The following OSBPL9 variants were observed in gnomAD, a reference collection of about 807,000 sequenced individuals.
The protein encoded by OSBPL9 is oxysterol-binding protein-related protein 9.
Under a neutral mutation model 106.6 loss-of-function variants are expected in OSBPL9, and 40 were observed. The observed-to-expected ratio is 0.38, with a 90% confidence interval of 0.29 to 0.49. OSBPL9 has a LOEUF of 0.49. Among genes scored for constraint, OSBPL9 ranks in the 20% least tolerant of loss-of-function variants. The pLI is 0.97. For missense variants in OSBPL9, 609 were observed against 887.2 expected, an observed-to-expected ratio of 0.69 and a Z score of 3.98; for synonymous variants, 269 against 295.4, an observed-to-expected ratio of 0.91 and a Z score of 0.92.
the OSBPL9 span, among the ~76,000 whole-genome samples, chr1:51,540,013 G>A: frequency 6.6e-6 from 1 of 152,152 alleles, no homozygotes; most frequent in Non-Finnish European, 1.5e-5. Context: ...CCTTGAACAT[G>A]ATAAGCTCTT....
chr1:51,571,331 C>G, the OSBPL9 span, among the ~76,000 whole-genome samples: 1 of 152,138 alleles, frequency 6.6e-6, no homozygotes, highest in African/African-American at 2.4e-5. Flanking sequence ...GTGGTAAACA[C>G]TTTCATGTCT....
chr1:51,660,702 G>A (rs1647086699), intron 2 of OSBPL9, among the ~76,000 whole-genome samples: 1 of 152,168 alleles, frequency 6.6e-6, no homozygotes, highest in Non-Finnish European at 1.5e-5. Context: ...CCTCCATGCA[G>A]CGTCTTCTTT....
chr1:51,679,730 G>T (rs1265436197), intron 3 of OSBPL9, among the ~76,000 whole-genome samples: 1 of 152,178 alleles, frequency 6.6e-6, no homozygotes, highest in Non-Finnish European at 1.5e-5. Flanking sequence ...AGGCTTCTGG[G>T]TATCAGATTT....
intron 20 of OSBPL9, 113 bp downstream of exon 20, chr1:51,784,695 C>T (rs369092011): frequency 2.5e-5 from 31 of 1,250,554 alleles, no homozygotes; most frequent in Non-Finnish European, 3.1e-5. Flanking sequence ...TCTTTGTAAG[C>T]GTGTTTCACA....
chr1:51,766,240 A>G (rs1368036201), intron 12 of OSBPL9, among the ~76,000 whole-genome samples: 1 of 152,236 alleles, frequency 6.6e-6, no homozygotes, highest in African/African-American at 2.4e-5. Flanking sequence ...AGTGGAATAA[A>G]TAGCATCACC....
chr1:51,763,117 T>C (rs1271834980), intron 11 of OSBPL9, among the ~76,000 whole-genome samples: 1 of 152,186 alleles, frequency 6.6e-6, no homozygotes, highest in Non-Finnish European at 1.5e-5. Context: ...GTGATTCTCC[T>C]GCCTCAGCCT....
At chr1:51,584,529 A>G (rs1645237138) in intron 1 of OSBPL9, among the ~76,000 whole-genome samples, 1 of 152,122 alleles carries the variant, frequency 6.6e-6, no homozygotes, top group South Asian at 2.1e-4. Flanking sequence ...GCATTGACCA[A>G]CATGGTGAAA....
At chr1:51,707,903 G>A (rs998981285) in intron 3 of OSBPL9, 14 of 242,736 alleles carry the variant, frequency 5.8e-5, no homozygotes, top group Non-Finnish European at 1.0e-4. Context: ...ATTTTGGTGG[G>A]ATCTCACTCC....
intron 10 of OSBPL9, 87 bp from the exon 11 acceptor site, chr1:51,761,780 T>C: frequency 9.5e-7 from 1 of 1,047,358 alleles, no homozygotes; most frequent in Admixed American, 1.8e-5. Flanking sequence ...TACTGGCCTT[T>C]AGGATTTTGA....
intron 3 of OSBPL9, among the ~76,000 whole-genome samples, chr1:51,713,626 A>G (rs1048117938): frequency 6.6e-6 from 1 of 152,150 alleles, no homozygotes; most frequent in Non-Finnish European, 1.5e-5. Context: ...CCCTAAATAC[A>G]AGGTTTATCT....
chr1:51,536,425 T>C, the OSBPL9 span, among the ~76,000 whole-genome samples: 1 of 152,116 alleles, frequency 6.6e-6, no homozygotes, highest in Admixed American at 6.5e-5. Context: ...CTCCCACCCC[T>C]GCTTCCAGAC....
rs183071872 is a variant in OSBPL9, at chr1:51,723,960, T to C, written c.318+9881T>C. Among the ~76,000 whole-genome samples the C allele has an allele frequency of 5.9e-5, 9 of 152,292 alleles. No individual in the cohort carries two copies. The East Asian group carries it at 1.7e-3, about 29-fold the overall frequency. On this transcript the variant is annotated intron_variant, in intron 4 of 23. Coordinates refer to ENST00000428468, the MANE Select transcript of OSBPL9 (RefSeq NM_024586.6). ...TTTTTTTCTCTCTCAGTCCTTTATT[T>C]TATTTGGAGACAGTCTCGCTATGTC...
chr1:51,787,873 G>T lies in OSBPL9; in HGVS notation c.*84G>T. On this transcript the variant is annotated 3_prime_UTR_variant, in exon 24 of 24. Coordinates refer to ENST00000428468, the MANE Select transcript of OSBPL9 (RefSeq NM_024586.6). The stretch of plus-strand genomic sequence containing the variant: ...AACAATCTTCCTTTGGGAGAAACCT[G>T]TTCATTCCAATCTTCTAATTACAGT... 8.1e-7 allele frequency: 1 copy of T among 1,232,552 alleles called. No individual in the cohort carries two copies. The highest frequency in any genetic ancestry group is 1.7e-5 in the Admixed American group (1 of 57,412). 76.4% of individuals were successfully genotyped at this position (1,232,552 alleles called of 1,614,324 possible).
At chr1:51,786,703 T>G in intron 22 of OSBPL9, 86 bp downstream of exon 22, 1 of 1,072,400 alleles carries the variant, frequency 9.3e-7, no homozygotes. Flanking sequence ...TGAGAGACAG[T>G]AGGGCAGAGC....
At chr1:51,697,453 C>CTTT (rs759965779) in intron 3 of OSBPL9, among the ~76,000 whole-genome samples, 15 of 103,158 alleles carry the variant, frequency 1.5e-4, no homozygotes, top group African/African-American at 5.1e-4. Context: ...ATAGGGGTTA[C>CTTT]TTTTTTTTTT....
At chr1:51,653,876 C>G (rs1646666290) in intron 2 of OSBPL9, among the ~76,000 whole-genome samples, 1 of 152,092 alleles carries the variant, frequency 6.6e-6, no homozygotes, top group Non-Finnish European at 1.5e-5. Context: ...GTGACACATG[C>G]CTATAGTCCC....
chr1:51,557,223 T>C, the OSBPL9 span, among the ~76,000 whole-genome samples: 1 of 152,212 alleles, frequency 6.6e-6, no homozygotes, highest in South Asian at 2.1e-4. Flanking sequence ...CAACCAACCT[T>C]GCCTCCAAGA....
intron 3 of OSBPL9, among the ~76,000 whole-genome samples, chr1:51,683,241 T>C: frequency 6.6e-6 from 1 of 151,750 alleles, no homozygotes; most frequent in East Asian, 2.0e-4. Flanking sequence ...AGTGCAATGG[T>C]GCGATCTCGG....
chr1:51,543,630 C>T, the OSBPL9 span, among the ~76,000 whole-genome samples: 2 of 152,098 alleles, frequency 1.3e-5, no homozygotes, highest in African/African-American at 2.4e-5. Flanking sequence ...CTCCTGACCT[C>T]GTGATCCACC....
Sources: allele counts gnomAD v4.1 joint callset (sites outside exome capture counted in the v4.1 genomes callset), GRCh38; gene constraint gnomAD v4.1.1; transcripts MANE v1.5; gene names NCBI Gene and HGNC (gene_info 2026-07-23, HGNC 2026-07-21).